GALNT1: variants seen among roughly 807,000 people sequenced by gnomAD.
The protein encoded by GALNT1 is polypeptide N-acetylgalactosaminyltransferase 1, also known as GalNAc transferase 1.
A neutral mutation model predicts 65.7 loss-of-function variants in GALNT1; 17 were observed. The observed-to-expected ratio is 0.26, with a 90% CI of 0.18 to 0.39. The LOEUF (loss-of-function observed/expected upper bound fraction) is 0.39. Ranked by LOEUF, GALNT1 falls within the 10% of genes least tolerant of loss-of-function variation. GALNT1 has a pLI of 1.00. For synonymous variants in GALNT1, 210 were observed against 219.7 expected (o/e 0.96, Z 0.39); for missense variants, 460 against 672.8 (o/e 0.68, Z 3.50).
At chr18:35,624,743 A>G (rs2046895047) in intron 1 of GALNT1, among the ~76,000 whole-genome samples, 1 of 152,092 alleles carries the variant, frequency 6.6e-6, no homozygotes, top group Non-Finnish European at 1.5e-5. Context: ...TTCTCAACAT[A>G]TTTGCTCTTT....
chr18:35,622,819 C>T (rs532242727), intron 1 of GALNT1, among the ~76,000 whole-genome samples: 1 of 152,068 alleles, frequency 6.6e-6, no homozygotes, highest in South Asian at 2.1e-4. Context: ...CCAACTTTAA[C>T]AGTAAGTGAG....
chr18:35,650,514 A>G (rs60659080), intron 1 of GALNT1, among the ~76,000 whole-genome samples: 14,482 of 152,164 alleles, frequency 0.095, 833 homozygotes, highest in African/African-American at 0.17. Context: ...TCCTCGTCCT[A>G]ATAAGCCTGG....
At chr18:35,664,797 G>A (rs2047523519) in intron 3 of GALNT1, among the ~76,000 whole-genome samples, 1 of 152,186 alleles carries the variant, frequency 6.6e-6, no homozygotes, top group South Asian at 2.1e-4. Context: ...TCTGTGCTGA[G>A]GCCCCCTAAA....
chr18:35,695,056 A>G (rs959637473), intron 9 of GALNT1, among the ~76,000 whole-genome samples: 1 of 152,246 alleles, frequency 6.6e-6, no homozygotes, highest in African/African-American at 2.4e-5. Flanking sequence ...ATAGAGTTTC[A>G]CATTTGCAAG....
chr18:35,686,893 G>C, intron 5 of GALNT1, 123 bp from the exon 6 acceptor site: 1 of 881,472 alleles, frequency 1.1e-6, no homozygotes. Flanking sequence ...TGGTGACAGA[G>C]TAGTGATACC....
intron 1 of GALNT1, among the ~76,000 whole-genome samples, chr18:35,651,233 G>A (rs538373350): frequency 6.6e-6 from 1 of 152,092 alleles, no homozygotes; most frequent in African/African-American, 2.4e-5. Flanking sequence ...TGAACAAGGA[G>A]ATCATATTAA....
intron 1 of GALNT1, among the ~76,000 whole-genome samples, chr18:35,646,615 G>A (rs2047234412): frequency 6.6e-6 from 1 of 152,208 alleles, no homozygotes; most frequent in South Asian, 2.1e-4. Flanking sequence ...GAGTGCTGGG[G>A]GAGGCCATAG....
chr18:35,685,477 G>C (rs1391671709), intron 5 of GALNT1, among the ~76,000 whole-genome samples: 1 of 143,326 alleles, frequency 7.0e-6, no homozygotes, highest in East Asian at 2.0e-4. Context: ...TCCAAGAAAG[G>C]ATGGCTTAAA....
intron 9 of GALNT1, among the ~76,000 whole-genome samples, chr18:35,699,163 A>G (rs908055399): frequency 6.6e-6 from 1 of 152,152 alleles, no homozygotes; most frequent in Non-Finnish European, 1.5e-5. Context: ...TGCCCCCTCT[A>G]ATTCTCTCTA....
intron 1 of GALNT1, among the ~76,000 whole-genome samples, chr18:35,604,975 G>C (rs528367765): frequency 2.0e-5 from 3 of 152,162 alleles, no homozygotes; most frequent in African/African-American, 7.2e-5. Context: ...TAAAAACAAG[G>C]ATGTTGCCCT....
chr18:35,700,037 G>T (rs750154744), intron 9 of GALNT1, among the ~76,000 whole-genome samples: 1 of 152,088 alleles, frequency 6.6e-6, no homozygotes, highest in African/African-American at 2.4e-5. Flanking sequence ...CCTATTAGGT[G>T]GTCCTCTCCC....
chr18:35,705,156 C>T (rs1229497316), intron 11 of GALNT1, among the ~76,000 whole-genome samples: 3 of 152,196 alleles, frequency 2.0e-5, no homozygotes, highest in Non-Finnish European at 4.4e-5. Context: ...CTACTTTAAT[C>T]ATCAATATGC....
chr18:35,630,728 A>G (rs572402410), intron 1 of GALNT1, among the ~76,000 whole-genome samples: 32 of 152,180 alleles, frequency 2.1e-4, no homozygotes, highest in Admixed American at 1.5e-3. Flanking sequence ...GGAGATAGAG[A>G]CACAAAAAAC....
chr18:35,613,850 A>G (rs1166113217), intron 1 of GALNT1, among the ~76,000 whole-genome samples: 1 of 151,452 alleles, frequency 6.6e-6, no homozygotes, highest in African/African-American at 2.4e-5. Context: ...TTTGGGGTTG[A>G]AGTTCATACT....
intron 9 of GALNT1, among the ~76,000 whole-genome samples, chr18:35,693,899 T>C (rs1342981908): frequency 6.6e-6 from 1 of 152,032 alleles, no homozygotes; most frequent in Admixed American, 6.6e-5. Context: ...CCAGAGGGAA[T>C]GCCACAGTTT....
At chr18:35,680,377 C>G (rs1175834896) in intron 4 of GALNT1, among the ~76,000 whole-genome samples, 1 of 152,188 alleles carries the variant, frequency 6.6e-6, no homozygotes, top group Non-Finnish European at 1.5e-5. Context: ...TAACACTCTA[C>G]TCCTCTGCAG....
At chr18:35,617,514 C>T (rs1020652810) in intron 1 of GALNT1, among the ~76,000 whole-genome samples, 1 of 152,124 alleles carries the variant, frequency 6.6e-6, no homozygotes, top group African/African-American at 2.4e-5. Flanking sequence ...GTGAAACGAG[C>T]CCTCTTAAAC....
chr18:35,629,648 A>T (rs955180086), intron 1 of GALNT1, among the ~76,000 whole-genome samples: 2 of 149,778 alleles, frequency 1.3e-5, no homozygotes, highest in African/African-American at 4.9e-5. Flanking sequence ...CCAGGAAGAA[A>T]CTGCATCAAC....
At chr18:35,696,958 A>C (rs28604533) in intron 9 of GALNT1, among the ~76,000 whole-genome samples, 3 of 152,226 alleles carry the variant, frequency 2.0e-5, no homozygotes, top group African/African-American at 7.2e-5. Context: ...GAGGAGACTA[A>C]TAGTAGAAAC....
Sources: gnomAD v4.1 joint callset for allele counts (sites outside exome capture counted in the v4.1 genomes callset) on GRCh38, gnomAD v4.1.1 for gene constraint, MANE v1.5 for transcripts, NCBI Gene and HGNC (gene_info 2026-07-23, HGNC 2026-07-21) for gene names.